DENND1B: variants seen among roughly 807,000 people sequenced by gnomAD.
The protein encoded by DENND1B is DENN domain-containing protein 1B.
Under a neutral mutation model 90.1 loss-of-function variants are expected in DENND1B, and 59 were observed. The ratio of observed to expected loss-of-function variants is 0.65; its 90% CI spans 0.53 to 0.81. The LOEUF is 0.81. Among genes scored for constraint, DENND1B ranks in the 40% least tolerant of loss-of-function variants. DENND1B has a pLI of 0.00. For missense variants in DENND1B, 862 were observed against 912.6 expected (o/e 0.94, Z 0.71); for synonymous variants, 337 against 324.6 (o/e 1.04, Z -0.41).
intron 2 of DENND1B, among the ~76,000 whole-genome samples, chr1:197,720,522 C>A (rs917169668): frequency 6.6e-6 from 1 of 151,592 alleles, no homozygotes; most frequent in Non-Finnish European, 1.5e-5. Flanking sequence ...ATTACAGGTG[C>A]GAGCCAACAT....
chr1:197,547,154 G>A (rs1670869140), intron 16 of DENND1B, among the ~76,000 whole-genome samples: 1 of 152,138 alleles, frequency 6.6e-6, no homozygotes, highest in African/African-American at 2.4e-5. Flanking sequence ...TATAGTGCCA[G>A]CTACTTGAAA....
chr1:197,726,762 T>G (rs1038762102), intron 2 of DENND1B, among the ~76,000 whole-genome samples: 2 of 152,182 alleles, frequency 1.3e-5, no homozygotes, highest in Non-Finnish European at 2.9e-5. Flanking sequence ...CAAGAGGTTA[T>G]CAAGCTGGAA....
rs1206077912 is a variant in DENND1B at position 197,652,115 on chromosome 1, A to G, written c.447+120T>C. The G allele has an allele frequency of 1.2e-5, 9 of 729,406 alleles. No individual in the cohort carries two copies. The African/African-American group carries it at 1.5e-4, about 12-fold the overall frequency. 45.2% of individuals were successfully genotyped at this position (729,406 alleles called of 1,614,324 possible). A position where few individuals can be genotyped will look rare whatever the true frequency, so the allele number is the denominator to read the frequency against. ...ATCACCTTGTTATGTTAGTACTAGC[A>G]ATGAAGTCTTCCTGGAAGCAGAGAT... On this transcript the variant is annotated intron_variant, in intron 7 of 22. Coordinates refer to ENST00000620048, the MANE Select transcript of DENND1B (RefSeq NM_001195215.2).
rs1054054238 is a variant in DENND1B at position 197,609,393 on chromosome 1, T to C, written c.820-2219A>G. On this transcript the variant is annotated intron_variant, in intron 12 of 22. Transcript: ENST00000620048. ...GGGTCAACATTTTATTTAGAATCCA[T>C]TGTATATTAAAACAAACAAGATAAT... Among the ~76,000 whole-genome samples, 6 of 150,696 alleles carry C rather than the reference T, an allele frequency of 4.0e-5. No homozygotes were observed. The East Asian group carries it at 9.7e-4, about 24-fold the overall frequency.
At chr1:197,651,621 G>C (rs1373008997) in intron 7 of DENND1B, among the ~76,000 whole-genome samples, 1 of 147,684 alleles carries the variant, frequency 6.8e-6, no homozygotes, top group African/African-American at 2.5e-5. Flanking sequence ...ATTATGCACG[G>C]ATTTCACCTG....
In DENND1B at chr1:197,634,589, A is replaced by C. The variant is rs530119494; in HGVS notation, c.672+8122T>G. Among the ~76,000 whole-genome samples the C allele has an allele frequency of 2.0e-5, 3 of 152,314 alleles. No individual in the cohort carries two copies. The East Asian group carries it at 5.8e-4, about 29-fold the overall frequency. ...AAAAGGGTTTAAGATGTATTAATACATTTTTCCCTAAGGCATTACTGTTTT... is the reference window on the plus strand; with the variant it reads ...AAAAGGGTTTAAGATGTATTAATACCTTTTTCCCTAAGGCATTACTGTTTT... On this transcript the variant is annotated intron_variant, in intron 10 of 22. Transcript: ENST00000620048.
chr1:197,669,822 G>A (rs1481086112), intron 5 of DENND1B, among the ~76,000 whole-genome samples: 2 of 151,870 alleles, frequency 1.3e-5, no homozygotes, highest in Non-Finnish European at 1.5e-5. Context: ...TTAAATAAAA[G>A]ATAAAATATT....
At chr1:197,713,793 T>TTATTATATTATAATATATTATATATAATA (rs1660234821) in intron 3 of DENND1B, among the ~76,000 whole-genome samples, 33 of 20,210 alleles carry the variant, frequency 1.6e-3, no homozygotes, top group African/African-American at 5.7e-3. Flanking sequence ...TATTATAATA[T>TTATTATATTATAATATATTATATATAATA]TATTATATTA....
chr1:197,685,757 G>T (rs1158765711), intron 3 of DENND1B: 1 of 151,968 alleles, frequency 6.6e-6, no homozygotes, highest in African/African-American at 2.4e-5. Context: ...TTTAAAATCT[G>T]AAGTCCTAAG....
intron 3 of DENND1B, among the ~76,000 whole-genome samples, chr1:197,685,988 G>A (rs1478394536): frequency 1.3e-5 from 2 of 151,986 alleles, no homozygotes; most frequent in Non-Finnish European, 1.5e-5. Context: ...TGCTTTCTAC[G>A]ATAAACTGAA....
At chr1:197,648,211 T>C (rs980138426) in intron 7 of DENND1B, among the ~76,000 whole-genome samples, 4 of 152,144 alleles carry the variant, frequency 2.6e-5, no homozygotes, top group Admixed American at 1.3e-4. Flanking sequence ...ACAGTATATC[T>C]AGATATATCA....
intron 20 of DENND1B, among the ~76,000 whole-genome samples, chr1:197,518,025 C>T (rs536099140): frequency 2.0e-5 from 3 of 151,872 alleles, no homozygotes; most frequent in Non-Finnish European, 4.4e-5. Context: ...AATTTATATG[C>T]CATTACATTC....
At chr1:197,747,338 A>G (rs1652840068) in intron 2 of DENND1B, 1 of 566,362 alleles carries the variant, frequency 1.8e-6, no homozygotes, top group Non-Finnish European at 3.3e-6. Flanking sequence ...TGATGCTCCC[A>G]TCCTCTTTAT....
chr1:197,598,711 T>C (rs1675929650), intron 13 of DENND1B, among the ~76,000 whole-genome samples: 2 of 151,880 alleles, frequency 1.3e-5, no homozygotes, highest in Admixed American at 6.6e-5. Context: ...CATAATCCTA[T>C]TAATACTGAA....
chr1:197,666,213 A>C (rs1246484867), intron 5 of DENND1B, among the ~76,000 whole-genome samples: 1 of 152,214 alleles, frequency 6.6e-6, no homozygotes, highest in Non-Finnish European at 1.5e-5. Context: ...ATGTGTAAAC[A>C]TTCTAGGCAC....
At chr1:197,529,880 C>G (rs1669497380) in intron 20 of DENND1B, among the ~76,000 whole-genome samples, 1 of 152,158 alleles carries the variant, frequency 6.6e-6, no homozygotes, top group South Asian at 2.1e-4. Flanking sequence ...TGGCTATATT[C>G]TCAGTGGACT....
chr1:197,654,776 C>G (rs1653630207), intron 6 of DENND1B, among the ~76,000 whole-genome samples: 1 of 152,038 alleles, frequency 6.6e-6, no homozygotes, highest in Admixed American at 6.6e-5. Context: ...CGACCACCAC[C>G]ACTTAAGGCA....
intron 10 of DENND1B, among the ~76,000 whole-genome samples, chr1:197,634,964 C>A (rs2125904270): frequency 6.8e-6 from 1 of 146,988 alleles, no homozygotes; most frequent in South Asian, 2.1e-4. Flanking sequence ...TACACTCCAA[C>A]ACCTTGGCGA....
At chr1:197,743,352 A>G (rs1663393792) in intron 2 of DENND1B, among the ~76,000 whole-genome samples, 2 of 152,224 alleles carry the variant, frequency 1.3e-5, no homozygotes. Flanking sequence ...TGTTCACACT[A>G]TACTGTAGTC....
Sources: gnomAD v4.1 joint callset for allele counts (sites outside exome capture counted in the v4.1 genomes callset) on GRCh38, gnomAD v4.1.1 for gene constraint, MANE v1.5 for transcripts, NCBI Gene and HGNC (gene_info 2026-07-23, HGNC 2026-07-21) for gene names.